The following TRPC6 variants were observed in gnomAD, a reference collection of about 807,000 sequenced individuals.
The protein encoded by TRPC6 is short transient receptor potential channel 6.
A neutral mutation model predicts 90.7 loss-of-function variants in TRPC6; 55 were observed. The ratio of observed to expected loss-of-function variants is 0.61; its 90% CI spans 0.49 to 0.76. The LOEUF (loss-of-function observed/expected upper bound fraction) is 0.76, where lower values mean the gene tolerates loss of function less well. Ranked by LOEUF, TRPC6 falls within the 30% of genes least tolerant of loss-of-function variation. TRPC6 has a pLI of 0.00. For missense variants in TRPC6, 989 were observed against 1,122.7 expected, an observed-to-expected ratio of 0.88 and a Z score of 1.70; for synonymous variants, 393 against 393.0, an observed-to-expected ratio of 1.00 and a Z score of 0.00.
At chr11:101,546,279 A>G (rs1390395398) in intron 1 of TRPC6, among the ~76,000 whole-genome samples, 1 of 79,632 alleles carries the variant, frequency 1.3e-5, no homozygotes, top group African/African-American at 5.1e-5. Flanking sequence ...TCACCTTGTT[A>G]GCCAGGATGG....
intron 2 of TRPC6, among the ~76,000 whole-genome samples, chr11:101,498,595 T>C (rs1429158287): frequency 1.3e-5 from 2 of 152,164 alleles, no homozygotes; most frequent in Non-Finnish European, 2.9e-5. Flanking sequence ...CTATGGGTTA[T>C]TGTAGTAGGG....
At chr11:101,551,856 A>G (rs887917780) in intron 1 of TRPC6, among the ~76,000 whole-genome samples, 1 of 152,080 alleles carries the variant, frequency 6.6e-6, no homozygotes, top group Non-Finnish European at 1.5e-5. Context: ...GCTCATTACA[A>G]AAGATTTAGG....
In TRPC6 at chr11:101,452,861, A is replaced by G. The variant is rs1858793969; in HGVS notation, c.*94T>C. 2.1e-6 allele frequency: 3 copies of G among 1,442,862 alleles called. No homozygotes were observed. The Admixed American group carries it at 5.3e-5, about 25-fold the overall frequency. The allele number at this position is 1,442,862 out of a possible 1,614,324, so 89.4% of individuals were successfully genotyped here. A position where few individuals can be genotyped will look rare whatever the true frequency, so the allele number is the denominator to read the frequency against. The stretch of plus-strand genomic sequence containing the variant: ...AAGTTATTTAACGTTTTCTTGTTTA[A>G]AAGGTGGGCCCATTGGCACTTAAGA... On this transcript the variant is annotated 3_prime_UTR_variant, in exon 13 of 13. Coordinates refer to ENST00000344327, the MANE Select transcript of TRPC6 (RefSeq NM_004621.6).
intron 2 of TRPC6, among the ~76,000 whole-genome samples, chr11:101,492,340 T>A (rs1439815706): frequency 6.6e-6 from 1 of 152,062 alleles, no homozygotes; most frequent in Non-Finnish European, 1.5e-5. Flanking sequence ...TCCCCTCACT[T>A]TGGGAGGCTG....
At chr11:101,503,053 G>C (rs1384868490) in intron 2 of TRPC6, among the ~76,000 whole-genome samples, 1 of 152,178 alleles carries the variant, frequency 6.6e-6, no homozygotes, top group East Asian at 1.9e-4. Flanking sequence ...ATTTAGTAAA[G>C]GAGATAAGTG....
At chr11:101,517,081 C>G (rs4331056) in intron 1 of TRPC6, among the ~76,000 whole-genome samples, 74,597 of 152,102 alleles carry the variant, frequency 0.49, 18,641 homozygotes, top group African/African-American at 0.55. Context: ...TTATGTTGAA[C>G]CAGAATGGAA....
intron 10 of TRPC6, among the ~76,000 whole-genome samples, chr11:101,463,834 T>A (rs1222265870): frequency 6.6e-6 from 1 of 152,220 alleles, no homozygotes; most frequent in Non-Finnish European, 1.5e-5. Flanking sequence ...TAGTTATTTC[T>A]TGTATTCTAC....
rs547887931 is a variant in TRPC6 at position 101,483,958 on chromosome 11, A to G, written c.1294-793T>C. Among the ~76,000 whole-genome samples, 5 of 152,312 alleles carry G rather than the reference A, an allele frequency of 3.3e-5. No homozygotes were observed. In the East Asian group the frequency reaches 7.7e-4, roughly 23 times the overall value. On this transcript the variant is annotated intron_variant, in intron 4 of 12. Coordinates refer to ENST00000344327, the MANE Select transcript of TRPC6 (RefSeq NM_004621.6). ...CTTCACCTAGGCAGAGTGAGGATCT[A>G]GGATATGACTAAGGGGTCTGGACAT...
chr11:101,583,242 G>T, intron 1 of TRPC6, 92 bp downstream of exon 1: 1 of 1,488,556 alleles, frequency 6.7e-7, no homozygotes, highest in East Asian at 2.5e-5. Context: ...GCGGGTTCAG[G>T]ACGCGCGCGG....
At chr11:101,551,146 A>G (rs1861440499) in intron 1 of TRPC6, among the ~76,000 whole-genome samples, 1 of 151,990 alleles carries the variant, frequency 6.6e-6, no homozygotes, top group Non-Finnish European at 1.5e-5. Context: ...ATATAAGAGC[A>G]TATCTTCAAG....
chr11:101,571,899 C>T (rs1047653168), intron 1 of TRPC6, among the ~76,000 whole-genome samples: 2 of 152,130 alleles, frequency 1.3e-5, no homozygotes, highest in Non-Finnish European at 2.9e-5. Context: ...AAACATAAGA[C>T]CTAAAACCAT....
chr11:101,492,066 C>G (rs987290998), intron 2 of TRPC6, among the ~76,000 whole-genome samples: 134 of 151,946 alleles, frequency 8.8e-4, no homozygotes, highest in African/African-American at 3.1e-3. Context: ...GTTTCGATCT[C>G]CTGACCTCAT....
chr11:101,483,571 G>A (rs1337171899), intron 4 of TRPC6, among the ~76,000 whole-genome samples: 1 of 152,164 alleles, frequency 6.6e-6, no homozygotes, highest in Non-Finnish European at 1.5e-5. Context: ...TAGAACCTTG[G>A]TGGGTGTCCT....
At chr11:101,559,938 T>C (rs973109419) in intron 1 of TRPC6, among the ~76,000 whole-genome samples, 4 of 152,064 alleles carry the variant, frequency 2.6e-5, no homozygotes, top group Non-Finnish European at 4.4e-5. Flanking sequence ...TCCAGCTTCA[T>C]CCATGTCCCT....
Position 101,476,244 on chromosome 11 carries a change from T to A in TRPC6, c.1744+57A>T, listed in dbSNP as rs1471261299. 4 of 1,439,614 alleles carry A rather than the reference T, an allele frequency of 2.8e-6. No homozygotes were observed. The Admixed American group carries it at 6.9e-5, about 25-fold the overall frequency. The allele number at this position is 1,439,614 out of a possible 1,614,324, so 89.2% of individuals were successfully genotyped here. ...TGCAGTAACCGAACTACTACTGACA[T>A]CTGTTTTACAAGAAAATTCTGCATT... On this transcript the variant is annotated intron_variant, in intron 6 of 12. Coordinates refer to ENST00000344327, the MANE Select transcript of TRPC6 (RefSeq NM_004621.6).
At chr11:101,455,143 T>TTTC in intron 10 of TRPC6, 42 bp from the exon 11 acceptor site, 1 of 1,520,000 alleles carries the variant, frequency 6.6e-7, no homozygotes, top group African/African-American at 1.4e-5. Context: ...CTACTTACAT[T>TTTC]TTCTTTTAAA....
At chr11:101,538,136 T>C (rs1861093891) in intron 1 of TRPC6, among the ~76,000 whole-genome samples, 2 of 152,168 alleles carry the variant, frequency 1.3e-5, no homozygotes, top group African/African-American at 4.8e-5. Flanking sequence ...CTTAGCACTC[T>C]CTAGTATGTT....
intron 6 of TRPC6, among the ~76,000 whole-genome samples, chr11:101,475,112 G>T (rs774236757): frequency 1.3e-5 from 2 of 152,062 alleles, no homozygotes; most frequent in Non-Finnish European, 2.9e-5. Flanking sequence ...ATCCACCCTG[G>T]ATTTTATCAG....
rs370081781 is a variant in TRPC6, at chr11:101,455,031, G to A, written c.2555C>T (p.Pro852Leu). ...ATCCATGCTTACCTGATATTGTCTT[G>A]GAGGATTATTGAAACTATTTAGATG... The part of the protein sequence containing the change: ...DFHLNSFNNP[P>L]RQYQKIMKRL... The change falls in exon 11 of 13, where the codon CCA becomes CTA. Residue 852 changes from proline (P) to leucine (L), a missense_variant. Pro to Leu is a moderately conservative substitution (Grantham distance 98). Around this residue, in one of 4 missense-constraint regions of TRPC6, gnomAD observed 191 missense variants for 196.7 expected, o/e 0.97. Coordinates refer to ENST00000344327, the MANE Select transcript of TRPC6 (RefSeq NM_004621.6). 2.7e-5 allele frequency: 44 copies of A among 1,611,526 alleles called. No homozygotes were observed. Among genetic ancestry groups the A allele is most frequent in the Non-Finnish European group, 3.5e-5 (41 of 1,178,388 alleles).
Sources: allele counts gnomAD v4.1 joint callset (sites outside exome capture counted in the v4.1 genomes callset), GRCh38; gene constraint gnomAD v4.1.1; regional missense constraint gnomAD v4.1.1; transcripts MANE v1.5; gene names NCBI Gene and HGNC (gene_info 2026-07-23, HGNC 2026-07-21).